NKAIN3: variants seen among roughly 807,000 people sequenced by gnomAD.
The protein encoded by NKAIN3 is sodium/potassium-transporting ATPase subunit beta-1-interacting protein 3.
In NKAIN3, 25 loss-of-function variants were observed where a neutral mutation model predicts 30.2. The observed-to-expected ratio is 0.83, with a 90% confidence interval of 0.60 to 1.16. The LOEUF is 1.16. Among genes scored for constraint, NKAIN3 ranks in the 50% most tolerant of loss-of-function variants. NKAIN3 has a pLI of 0.00. For synonymous variants in NKAIN3, 91 were observed against 89.6 expected, an observed-to-expected ratio of 1.02 and a Z score of -0.09; for missense variants, 225 against 254.1, an observed-to-expected ratio of 0.89 and a Z score of 0.78.
At chr8:62,394,681 C>T (rs59757253) in intron 1 of NKAIN3, among the ~76,000 whole-genome samples, 54 of 46,934 alleles carry the variant, frequency 1.2e-3, no homozygotes, top group African/African-American at 1.5e-3. Context: ...GGGGCAGAGG[C>T]GCTCATCACT....
chr8:62,728,826 T>C (rs1815349150), intron 3 of NKAIN3, among the ~76,000 whole-genome samples: 2 of 149,162 alleles, frequency 1.3e-5, no homozygotes. Flanking sequence ...CCGTTTTTAC[T>C]AAAAATAGAA....
At chr8:62,349,564 G>A (rs1374406176) in intron 1 of NKAIN3, among the ~76,000 whole-genome samples, 4 of 152,194 alleles carry the variant, frequency 2.6e-5, no homozygotes, top group African/African-American at 9.7e-5. Context: ...TGGAGAAGCA[G>A]AGGTTGAAAT....
At chr8:62,528,305 T>TTA (rs55728279) in intron 1 of NKAIN3, among the ~76,000 whole-genome samples, 40,856 of 120,464 alleles carry the variant, frequency 0.34, 7,569 homozygotes, top group African/African-American at 0.53. Flanking sequence ...ATATATTATA[T>TTA]TATATATATA....
intron 3 of NKAIN3, among the ~76,000 whole-genome samples, chr8:62,606,509 T>C (rs1385977681): frequency 2.0e-5 from 3 of 152,052 alleles, no homozygotes; most frequent in Non-Finnish European, 4.4e-5. Flanking sequence ...TAAGAAAGTA[T>C]GCTGCTGGAA....
intron 5 of NKAIN3, among the ~76,000 whole-genome samples, chr8:62,938,829 T>C (rs1375845508): frequency 6.6e-6 from 1 of 152,152 alleles, no homozygotes; most frequent in African/African-American, 2.4e-5. Context: ...TCTGGTAATA[T>C]GACAAAACAA....
intron 4 of NKAIN3, chr8:62,863,080 C>T (rs1820303906): frequency 3.6e-6 from 4 of 1,110,082 alleles, no homozygotes; most frequent in Non-Finnish European, 5.4e-6. Flanking sequence ...TCATATATCT[C>T]TCAAGTTAAG....
intron 4 of NKAIN3, among the ~76,000 whole-genome samples, chr8:62,850,900 G>T (rs1819873336): frequency 6.6e-6 from 1 of 152,072 alleles, no homozygotes; most frequent in Non-Finnish European, 1.5e-5. Flanking sequence ...GATGCCTCCA[G>T]CTTTGTTCTT....
chr8:62,381,512 A>G (rs1477804386), intron 1 of NKAIN3, among the ~76,000 whole-genome samples: 1 of 151,372 alleles, frequency 6.6e-6, no homozygotes, highest in African/African-American at 2.5e-5. Flanking sequence ...ATATATACAT[A>G]CACACACATA....
At chr8:62,334,410 G>A (rs1195538994) in intron 1 of NKAIN3, among the ~76,000 whole-genome samples, 1 of 152,008 alleles carries the variant, frequency 6.6e-6, no homozygotes, top group East Asian at 1.9e-4. Context: ...CCTTTACCTG[G>A]TAGGACTAGG....
chr8:62,308,232 G>A (rs181138387), intron 1 of NKAIN3, among the ~76,000 whole-genome samples: 1 of 150,430 alleles, frequency 6.6e-6, no homozygotes, highest in East Asian at 1.9e-4. Flanking sequence ...TACCTCAAAG[G>A]CTTGTTCATA....
chr8:62,386,098 G>C (rs1054733805), intron 1 of NKAIN3, among the ~76,000 whole-genome samples: 1 of 152,112 alleles, frequency 6.6e-6, no homozygotes, highest in African/African-American at 2.4e-5. Flanking sequence ...TTGCTTGCGG[G>C]TATGTTTACT....
chr8:62,334,847 TC>T (rs1396923580), intron 1 of NKAIN3, among the ~76,000 whole-genome samples: 16 of 152,028 alleles, frequency 1.1e-4, no homozygotes, highest in Non-Finnish European at 1.9e-4. Context: ...TTAATCTCTC[TC>T]ATTCTCCCTG....
intron 3 of NKAIN3, among the ~76,000 whole-genome samples, chr8:62,593,812 C>G (rs1810733444): frequency 6.6e-6 from 1 of 152,006 alleles, no homozygotes. Context: ...TAACTTTCTG[C>G]AAGCCTCTCA....
At chr8:62,333,052 G>T (rs1352490665) in intron 1 of NKAIN3, among the ~76,000 whole-genome samples, 2 of 152,038 alleles carry the variant, frequency 1.3e-5, no homozygotes, top group Non-Finnish European at 2.9e-5. Flanking sequence ...TCATGAGATT[G>T]TTTTTTAAAA....
intron 4 of NKAIN3, among the ~76,000 whole-genome samples, chr8:62,876,639 AG>A (rs1820801452): frequency 1.3e-5 from 2 of 152,244 alleles, no homozygotes; most frequent in Admixed American, 6.5e-5. Flanking sequence ...AGCCATAAAA[AG>A]GAATGAGATC....
chr8:62,961,866 A>G (rs1211431682), intron 6 of NKAIN3, among the ~76,000 whole-genome samples: 1 of 152,196 alleles, frequency 6.6e-6, no homozygotes, highest in Non-Finnish European at 1.5e-5. Flanking sequence ...CTAGATGAGA[A>G]AGAAATTTCA....
chr8:62,995,804 A>G (rs1804099041), intron 5 of NKAIN3, among the ~76,000 whole-genome samples: 1 of 152,184 alleles, frequency 6.6e-6, no homozygotes, highest in South Asian at 2.1e-4. Flanking sequence ...TAAAGCCAAA[A>G]ATATTTAAAA....
chr8:62,875,868 A>T (rs908566184), intron 4 of NKAIN3, among the ~76,000 whole-genome samples: 4 of 152,198 alleles, frequency 2.6e-5, no homozygotes, highest in African/African-American at 9.6e-5. Context: ...TCAAAACCAT[A>T]AAAACCCTAG....
chr8:62,564,215 A>G (rs1809674713), intron 1 of NKAIN3, among the ~76,000 whole-genome samples: 1 of 152,148 alleles, frequency 6.6e-6, no homozygotes, highest in South Asian at 2.1e-4. Flanking sequence ...TTTAGATACT[A>G]ATTTTAAAAA....
Sources: allele counts gnomAD v4.1 joint callset (sites outside exome capture counted in the v4.1 genomes callset), GRCh38; gene constraint gnomAD v4.1.1; transcripts MANE v1.5; gene names NCBI Gene and HGNC (gene_info 2026-07-23, HGNC 2026-07-21).